Variants in CPNE4 observed in about 807,000 individuals in gnomAD.
CPNE4 encodes copine-4.
A neutral mutation model predicts 67.9 loss-of-function variants in CPNE4; 25 were observed. The observed-to-expected ratio is 0.37, with a 90% CI of 0.27 to 0.51. The LOEUF (loss-of-function observed/expected upper bound fraction) is 0.51. Ranked by LOEUF, CPNE4 falls within the 20% of genes least tolerant of loss-of-function variation. CPNE4 has a pLI of 0.93. For missense variants in CPNE4, 464 were observed against 690.8 expected (o/e 0.67, Z 3.68); for synonymous variants, 242 against 244.9 (o/e 0.99, Z 0.11).
rs866906724 is a variant in CPNE4, at chr3:131,912,554, A to C, written c.-1-7110T>G. On this transcript the variant is annotated intron_variant, in intron 1 of 15. Transcript: ENST00000429747. ...GATCTGCTATGTGCCTGATGTGCTG[A>C]ATGCTGGAGGCACTGAACATCCACT... Among the ~76,000 whole-genome samples the C allele has an allele frequency of 8.5e-5, 13 of 152,274 alleles. 1 individual carries two copies. In the South Asian group the frequency reaches 2.3e-3, roughly 27 times the overall value.
intron 1 of CPNE4, chr3:131,985,763 A>T (rs970159484): frequency 6.5e-6 from 1 of 153,390 alleles, no homozygotes; most frequent in African/African-American, 2.4e-5. Flanking sequence ...TTCAATGAAA[A>T]ACCTTAAGTG....
intron 1 of CPNE4, among the ~76,000 whole-genome samples, chr3:131,995,538 C>A (rs1477246676): frequency 6.6e-6 from 1 of 152,116 alleles, no homozygotes; most frequent in Non-Finnish European, 1.5e-5. Context: ...GAGCAAGATG[C>A]CTCAGTGTGA....
intron 7 of CPNE4, among the ~76,000 whole-genome samples, chr3:131,641,853 G>A (rs879237676): frequency 1.3e-5 from 2 of 152,158 alleles, no homozygotes; most frequent in South Asian, 2.1e-4. Flanking sequence ...ATTGGCATTC[G>A]CAGCAACCTG....
At chr3:131,768,078 T>C (rs1041723969) in intron 2 of CPNE4, among the ~76,000 whole-genome samples, 1 of 152,138 alleles carries the variant, frequency 6.6e-6, no homozygotes, top group Non-Finnish European at 1.5e-5. Context: ...TTTAGGATTG[T>C]AATCAGGCTT....
chr3:131,641,617 G>C (rs1204745337), intron 7 of CPNE4, among the ~76,000 whole-genome samples: 3 of 152,146 alleles, frequency 2.0e-5, no homozygotes, highest in Non-Finnish European at 4.4e-5. Flanking sequence ...ATTCCTTAAA[G>C]AACTAAAAGT....
At chr3:131,716,902 G>A (rs1271951804) in intron 3 of CPNE4, among the ~76,000 whole-genome samples, 3 of 152,246 alleles carry the variant, frequency 2.0e-5, no homozygotes, top group Non-Finnish European at 4.4e-5. Flanking sequence ...GTACACGTCA[G>A]CACTAGGAAA....
intron 7 of CPNE4, among the ~76,000 whole-genome samples, chr3:131,606,106 C>T (rs182247359): frequency 5.0e-4 from 76 of 152,200 alleles, no homozygotes; most frequent in Middle Eastern, 3.4e-3. Context: ...GAGGAAAAGG[C>T]GCTTGAAGAC....
chr3:131,772,887 TATACAGCATTAACAGAC>T (rs2107836612), intron 2 of CPNE4, among the ~76,000 whole-genome samples: 1 of 152,268 alleles, frequency 6.6e-6, no homozygotes, highest in East Asian at 1.9e-4. Flanking sequence ...TTGCTGCCTG[TATACAGCATTAACAGAC>T]ACCCATGGGA....
intron 7 of CPNE4, among the ~76,000 whole-genome samples, chr3:131,627,542 T>C (rs912718462): frequency 6.6e-6 from 1 of 152,200 alleles, no homozygotes; most frequent in African/African-American, 2.4e-5. Context: ...AGGAATACAT[T>C]TTGTAAGGCA....
intron 2 of CPNE4, among the ~76,000 whole-genome samples, chr3:131,827,867 T>C (rs1488632896): frequency 2.6e-5 from 4 of 152,018 alleles, no homozygotes; most frequent in Non-Finnish European, 5.9e-5. Flanking sequence ...ACCAGTCTGG[T>C]ACCTTGTATG....
chr3:131,781,552 A>T (rs1246496409), intron 2 of CPNE4, among the ~76,000 whole-genome samples: 2 of 152,132 alleles, frequency 1.3e-5, no homozygotes, highest in Non-Finnish European at 2.9e-5. Flanking sequence ...TTGAAATATG[A>T]CTGAAATTTA....
chr3:131,742,741 A>C (rs2082388522), intron 2 of CPNE4, among the ~76,000 whole-genome samples: 1 of 152,154 alleles, frequency 6.6e-6, no homozygotes, highest in Non-Finnish European at 1.5e-5. Context: ...TTTACTTTGA[A>C]ATTTAAAAAC....
At chr3:131,772,900 CAG>C (rs1347483981) in intron 2 of CPNE4, among the ~76,000 whole-genome samples, 1 of 152,120 alleles carries the variant, frequency 6.6e-6, no homozygotes, top group African/African-American at 2.4e-5. Context: ...ACAGCATTAA[CAG>C]ACACCCATGG....
At chr3:131,965,451 C>T (rs1228041815) in intron 1 of CPNE4, among the ~76,000 whole-genome samples, 1 of 152,088 alleles carries the variant, frequency 6.6e-6, no homozygotes, top group African/African-American at 2.4e-5. Context: ...AGAATCAAGA[C>T]CCACTGGTGT....
chr3:131,978,579 C>A, intron 1 of CPNE4, among the ~76,000 whole-genome samples: 1 of 90,304 alleles, frequency 1.1e-5, no homozygotes, highest in Non-Finnish European at 2.2e-5. Flanking sequence ...TCTTTATCCA[C>A]TCTCCTCTTT....
At chr3:131,817,337 G>A (rs891678898) in intron 2 of CPNE4, among the ~76,000 whole-genome samples, 3 of 152,184 alleles carry the variant, frequency 2.0e-5, no homozygotes, top group African/African-American at 4.8e-5. Context: ...AAGGGGTTGG[G>A]AGCAGGGAGA....
chr3:132,007,510 G>C (rs1467461735), intron 1 of CPNE4, among the ~76,000 whole-genome samples: 1 of 152,172 alleles, frequency 6.6e-6, no homozygotes, highest in Non-Finnish European at 1.5e-5. Flanking sequence ...ACGTGTGTGT[G>C]AAATGTTTGG....
At chr3:131,928,554 T>G (rs1444552606) in intron 1 of CPNE4, among the ~76,000 whole-genome samples, 1 of 152,192 alleles carries the variant, frequency 6.6e-6, no homozygotes, top group African/African-American at 2.4e-5. Flanking sequence ...AACAACATCC[T>G]GGCAGTGACT....
intron 2 of CPNE4, among the ~76,000 whole-genome samples, chr3:131,853,162 A>G (rs776046647): frequency 6.6e-6 from 1 of 151,854 alleles, no homozygotes; most frequent in Non-Finnish European, 1.5e-5. Flanking sequence ...AGATTATGTG[A>G]ATTCATAAAT....
Sources: allele counts gnomAD v4.1 joint callset (sites outside exome capture counted in the v4.1 genomes callset), GRCh38; gene constraint gnomAD v4.1.1; transcripts MANE v1.5; gene names NCBI Gene and HGNC (gene_info 2026-07-23, HGNC 2026-07-21).